Variants in GPC6 observed in about 807,000 individuals in gnomAD.
GPC6 encodes the protein glypican 6.
In GPC6, 14 loss-of-function variants were observed where a neutral mutation model predicts 55.2. The observed-to-expected ratio is 0.25, with a 90% CI of 0.17 to 0.40. GPC6 has a LOEUF of 0.40. GPC6 is among the 10% of genes least tolerant of loss of function. The pLI is 1.00. For synonymous variants in GPC6, 278 were observed against 259.6 expected (o/e 1.07, Z -0.68); for missense variants, 641 against 708.5 (o/e 0.90, Z 1.08).
chr13:93,622,706 C>G (rs1310659707), intron 2 of GPC6, among the ~76,000 whole-genome samples: 3 of 152,084 alleles, frequency 2.0e-5, no homozygotes, highest in African/African-American at 7.2e-5. Context: ...GTACCATGAT[C>G]TAATCAGGGT....
At chr13:94,180,776 AG>A (rs571891280) in intron 4 of GPC6, among the ~76,000 whole-genome samples, 23 of 152,208 alleles carry the variant, frequency 1.5e-4, no homozygotes, top group Non-Finnish European at 3.2e-4. Flanking sequence ...AATAGGGACA[AG>A]TCATTAAGGT....
chr13:93,399,073 C>T (rs1454809232), intron 1 of GPC6, among the ~76,000 whole-genome samples: 3 of 151,870 alleles, frequency 2.0e-5, no homozygotes, highest in Non-Finnish European at 2.9e-5. Context: ...CACACACACA[C>T]ACACACACAC....
At chr13:93,474,369 G>C (rs946160311) in intron 1 of GPC6, among the ~76,000 whole-genome samples, 1 of 152,080 alleles carries the variant, frequency 6.6e-6, no homozygotes, top group Non-Finnish European at 1.5e-5. Context: ...ATGAGCCCAG[G>C]TGTTTATAAA....
intron 2 of GPC6, among the ~76,000 whole-genome samples, chr13:93,791,337 T>C (rs895382680): frequency 6.6e-6 from 1 of 152,252 alleles, no homozygotes; most frequent in Non-Finnish European, 1.5e-5. Context: ...TTTTTTTCTT[T>C]ACTTTTTAAA....
intron 3 of GPC6, among the ~76,000 whole-genome samples, chr13:93,859,288 G>A (rs1888730919): frequency 6.6e-6 from 1 of 151,554 alleles, no homozygotes; most frequent in African/African-American, 2.4e-5. Flanking sequence ...ATTTCTTAGT[G>A]ATGTGTCTAA....
intron 3 of GPC6, among the ~76,000 whole-genome samples, chr13:93,886,696 A>G (rs1056435319): frequency 8.0e-5 from 12 of 150,594 alleles, no homozygotes; most frequent in Admixed American, 5.3e-4. Context: ...CAGGCATACA[A>G]TGACGTTTGT....
At chr13:93,916,202 C>T (rs981060433) in intron 3 of GPC6, among the ~76,000 whole-genome samples, 1 of 152,128 alleles carries the variant, frequency 6.6e-6, no homozygotes, top group Non-Finnish European at 1.5e-5. Flanking sequence ...TCCTCAGTCG[C>T]CTTGCTTCGG....
At chr13:93,293,787 G>A (rs553367061) in intron 1 of GPC6, among the ~76,000 whole-genome samples, 27 of 152,064 alleles carry the variant, frequency 1.8e-4, no homozygotes, top group African/African-American at 6.3e-4. Flanking sequence ...AGTACACAGA[G>A]TTCTGGTGAT....
chr13:93,626,004 AT>A (rs111733814), intron 2 of GPC6, among the ~76,000 whole-genome samples: 7 of 151,762 alleles, frequency 4.6e-5, no homozygotes, highest in African/African-American at 7.2e-5. Flanking sequence ...AGAAAGCATG[AT>A]TTTTTTTTGT....
At chr13:94,135,292 A>T (rs138913616) in intron 4 of GPC6, among the ~76,000 whole-genome samples, 160 of 151,728 alleles carry the variant, frequency 1.1e-3, no homozygotes, top group African/African-American at 3.5e-3. Flanking sequence ...TGAATTAATT[A>T]TATCTGAGAT....
chr13:93,937,332 A>C (rs1461796383), intron 3 of GPC6, among the ~76,000 whole-genome samples: 1 of 152,236 alleles, frequency 6.6e-6, no homozygotes, highest in Non-Finnish European at 1.5e-5. Context: ...ATTTTATACA[A>C]GAACAGCCTT....
At chr13:93,785,737 G>C (rs1309257299) in intron 2 of GPC6, among the ~76,000 whole-genome samples, 1 of 152,070 alleles carries the variant, frequency 6.6e-6, no homozygotes, top group African/African-American at 2.4e-5. Context: ...GAGGTGGGAG[G>C]ATCATCTGAG....
intron 4 of GPC6, among the ~76,000 whole-genome samples, chr13:94,164,602 A>G (rs572367379): frequency 6.6e-6 from 1 of 152,338 alleles, no homozygotes; most frequent in South Asian, 2.1e-4. Flanking sequence ...TAAAATGGCT[A>G]TTAGTGCAAA....
chr13:94,207,427 G>A (rs1042725109), intron 4 of GPC6, among the ~76,000 whole-genome samples: 24 of 152,110 alleles, frequency 1.6e-4, no homozygotes, highest in Non-Finnish European at 1.6e-4. Flanking sequence ...AGAAACTGAG[G>A]TTCATAGGCT....
At chr13:93,591,622 A>G (rs938814697) in intron 2 of GPC6, among the ~76,000 whole-genome samples, 2 of 152,146 alleles carry the variant, frequency 1.3e-5, no homozygotes, top group Non-Finnish European at 2.9e-5. Flanking sequence ...TTGTTTCAGT[A>G]TGTTTCAGAA....
At chr13:93,614,879 T>C (rs1456899698) in intron 2 of GPC6, among the ~76,000 whole-genome samples, 1 of 152,192 alleles carries the variant, frequency 6.6e-6, no homozygotes, top group African/African-American at 2.4e-5. Context: ...TTTTATTTTT[T>C]ATCTTGCTCA....
chr13:94,160,769 G>A (rs1356493084), intron 4 of GPC6, among the ~76,000 whole-genome samples: 1 of 152,000 alleles, frequency 6.6e-6, no homozygotes, highest in Non-Finnish European at 1.5e-5. Flanking sequence ...ATGTATATAT[G>A]GGACTCAAAA....
At chr13:93,251,035 G>A (rs542382506) in intron 1 of GPC6, among the ~76,000 whole-genome samples, 8 of 152,114 alleles carry the variant, frequency 5.3e-5, no homozygotes, top group Non-Finnish European at 8.8e-5. Context: ...ATCAGATCTC[G>A]TGAGACTTAT....
At chr13:94,374,127 C>A (rs1374853570) in intron 6 of GPC6, among the ~76,000 whole-genome samples, 2 of 151,840 alleles carry the variant, frequency 1.3e-5, no homozygotes, top group African/African-American at 2.4e-5. Flanking sequence ...AGTGTAAAGA[C>A]CATCGAGACT....
Sources: allele counts gnomAD v4.1 joint callset (sites outside exome capture counted in the v4.1 genomes callset), GRCh38; gene constraint gnomAD v4.1.1; transcripts MANE v1.5; gene names NCBI Gene and HGNC (gene_info 2026-07-23, HGNC 2026-07-21).